ZBTB38: variants seen among roughly 807,000 people sequenced by gnomAD.
ZBTB38 encodes zinc finger and BTB domain containing 38.
In ZBTB38, 20 loss-of-function variants were observed where a neutral mutation model predicts 76.8. The observed-to-expected ratio is 0.26, with a 90% CI of 0.18 to 0.38. The LOEUF is 0.38. ZBTB38 is among the 10% of genes least tolerant of loss of function. The pLI, the probability that ZBTB38 is intolerant of heterozygous loss-of-function variation, is 1.00. For synonymous variants in ZBTB38, 504 were observed against 544.2 expected, an observed-to-expected ratio of 0.93 and a Z score of 1.03; for missense variants, 1,082 against 1,482.3, an observed-to-expected ratio of 0.73 and a Z score of 4.43.
intron 1 of ZBTB38, among the ~76,000 whole-genome samples, chr3:141,344,656 G>C (rs897613526): frequency 6.6e-6 from 1 of 152,206 alleles, no homozygotes; most frequent in Non-Finnish European, 1.5e-5. Flanking sequence ...TTACAGGCTT[G>C]AGCCACTGCA....
At chr3:141,436,149 T>G (rs1050371651) in intron 5 of ZBTB38, among the ~76,000 whole-genome samples, 2 of 152,236 alleles carry the variant, frequency 1.3e-5, no homozygotes, top group Non-Finnish European at 2.9e-5. Context: ...GGAGGTTGCT[T>G]TAAAGTAACT....
At chr3:141,372,026 C>G (rs1576730703) in intron 2 of ZBTB38, among the ~76,000 whole-genome samples, 1 of 152,092 alleles carries the variant, frequency 6.6e-6, no homozygotes, top group African/African-American at 2.4e-5. Flanking sequence ...TGACTTTTGC[C>G]CCTGGACTTG....
At chr3:141,375,576 G>A (rs1296794492) in intron 2 of ZBTB38, among the ~76,000 whole-genome samples, 2 of 152,258 alleles carry the variant, frequency 1.3e-5, no homozygotes, top group Admixed American at 6.5e-5. Flanking sequence ...CTGGACCCAG[G>A]AGGACAGAGG....
At chr3:141,387,478 C>T (rs1947433933) in intron 4 of ZBTB38, 1 of 152,162 alleles carries the variant, frequency 6.6e-6, no homozygotes, top group Non-Finnish European at 1.5e-5. Context: ...AACTCTTATG[C>T]ACTCCATCAT....
intron 1 of ZBTB38, among the ~76,000 whole-genome samples, chr3:141,335,083 G>T (rs1942978404): frequency 1.3e-5 from 2 of 151,838 alleles, no homozygotes; most frequent in African/African-American, 4.9e-5. Context: ...ACCACTGCCA[G>T]GTCTGCCCCA....
At chr3:141,340,397 T>C (rs1943138206) in intron 1 of ZBTB38, among the ~76,000 whole-genome samples, 1 of 152,180 alleles carries the variant, frequency 6.6e-6, no homozygotes, top group African/African-American at 2.4e-5. Flanking sequence ...TAACTAATTA[T>C]TGAATGCCTA....
At chr3:141,440,823 C>G (rs2079973993) in intron 5 of ZBTB38, among the ~76,000 whole-genome samples, 1 of 151,988 alleles carries the variant, frequency 6.6e-6, no homozygotes, top group Non-Finnish European at 1.5e-5. Context: ...ATCACGAGGT[C>G]AAGAGATCGA....
chr3:141,425,934 G>A (rs1007687218), intron 5 of ZBTB38, among the ~76,000 whole-genome samples: 2 of 152,186 alleles, frequency 1.3e-5, no homozygotes, highest in African/African-American at 4.8e-5. Flanking sequence ...ATTGCTGTGA[G>A]GCCTAAATGG....
rs371646941 is a variant in ZBTB38 at position 141,445,147 on chromosome 3, A to G, written c.2759A>G (p.Tyr920Cys). ...ACTGACAAACCGTGGCGCCCTTACT[A>G]CAACTACAAACCCAAAAAGAAATCC... ...DSTDKPWRPY[Y>C]NYKPKKKSRQ... Residue 920 changes from tyrosine (Y) to cysteine (C), a missense_variant, in exon 6 of 6, where the codon TAC (tyrosine) becomes TGC (cysteine). Tyr to Cys is a radical substitution (Grantham distance 194, BLOSUM62 -2). Coordinates refer to ENST00000321464, the MANE Select transcript of ZBTB38 (RefSeq NM_001376113.1). The surrounding 1 kb of genome is among the most constrained non-coding windows in gnomAD (Gnocchi z 6.5). 1.9e-6 allele frequency: 3 copies of G among 1,614,020 alleles called. No individual in the cohort carries two copies. Among genetic ancestry groups the G allele is most frequent in the Non-Finnish European group, 2.5e-6 (3 of 1,180,040 alleles).
At chr3:141,398,647 T>G (rs888985115) in intron 4 of ZBTB38, among the ~76,000 whole-genome samples, 3 of 150,550 alleles carry the variant, frequency 2.0e-5, no homozygotes, top group African/African-American at 7.4e-5. Context: ...TCCTTCTGTA[T>G]TTTTTTTTGC....
intron 2 of ZBTB38, among the ~76,000 whole-genome samples, chr3:141,375,514 T>G (rs970180605): frequency 6.6e-6 from 1 of 152,180 alleles, no homozygotes; most frequent in African/African-American, 2.4e-5. Flanking sequence ...GGTCACCTAA[T>G]GGGGCCAGAC....
At chr3:141,378,264 A>G (rs1184984211) in intron 2 of ZBTB38, among the ~76,000 whole-genome samples, 1 of 152,164 alleles carries the variant, frequency 6.6e-6, no homozygotes, top group Non-Finnish European at 1.5e-5. Context: ...GGAGGAGCAC[A>G]GGGAACTGTG....
intron 1 of ZBTB38, among the ~76,000 whole-genome samples, chr3:141,348,848 C>A (rs891027547): frequency 1.3e-4 from 20 of 152,162 alleles, no homozygotes; most frequent in African/African-American, 4.8e-4. Context: ...TAAAGGGACT[C>A]CCGGCAGAGA....
chr3:141,345,438 T>TG (rs1943322888), intron 1 of ZBTB38, among the ~76,000 whole-genome samples: 1 of 152,216 alleles, frequency 6.6e-6, no homozygotes, highest in East Asian at 1.9e-4. Context: ...GGTGTATACA[T>TG]GGGGGCATGA....
intron 5 of ZBTB38, chr3:141,434,317 C>T: frequency 2.4e-5 from 14 of 594,598 alleles, no homozygotes; most frequent in Non-Finnish European, 2.9e-5. Context: ...AGGCTTTATT[C>T]AGGCAGAATG....
At chr3:141,353,178 C>G (rs1026076862) in intron 1 of ZBTB38, among the ~76,000 whole-genome samples, 2 of 152,042 alleles carry the variant, frequency 1.3e-5, no homozygotes, top group African/African-American at 4.8e-5. Flanking sequence ...TCTCTCTTTT[C>G]TCCTCCCCAT....
At chr3:141,381,001 C>T (rs1016264089) in intron 2 of ZBTB38, among the ~76,000 whole-genome samples, 1 of 152,134 alleles carries the variant, frequency 6.6e-6, no homozygotes, top group Non-Finnish European at 1.5e-5. Flanking sequence ...CCCTTTTCAG[C>T]CTAGTTGCCA....
chr3:141,354,176 C>T (rs948811045), intron 1 of ZBTB38, among the ~76,000 whole-genome samples: 4 of 152,052 alleles, frequency 2.6e-5, no homozygotes, highest in Non-Finnish European at 4.4e-5. Context: ...ATACCATAAA[C>T]GTTATTACAA....
At chr3:141,386,330 A>G (rs558691621) in intron 3 of ZBTB38, 41 of 152,320 alleles carry the variant, frequency 2.7e-4, no homozygotes, top group African/African-American at 8.7e-4. Context: ...TAAAAAATCC[A>G]TTCACATTTT....
Sources: allele counts gnomAD v4.1 joint callset (sites outside exome capture counted in the v4.1 genomes callset), GRCh38; gene constraint gnomAD v4.1.1; non-coding constraint Gnocchi (gnomAD v3.1); transcripts MANE v1.5; gene names NCBI Gene and HGNC (gene_info 2026-07-23, HGNC 2026-07-21).